Variants in CLASRP observed in about 807,000 individuals in gnomAD.
The protein encoded by CLASRP is CLK4-associating serine/arginine rich protein.
CLASRP carries 52 observed loss-of-function variants against 99.9 expected under a neutral mutation model. The ratio of observed to expected loss-of-function variants is 0.52; its 90% CI spans 0.42 to 0.66. The LOEUF is 0.66. Among genes scored for constraint, CLASRP ranks in the 30% least tolerant of loss-of-function variants. The pLI is 0.00. For missense variants in CLASRP, 848 were observed against 999.2 expected (o/e 0.85, Z 2.04); for synonymous variants, 379 against 373.0 (o/e 1.02, Z -0.18).
At chr19:45,039,239 C>T (rs892794084) in intron 1 of CLASRP, 131 bp downstream of exon 1, 1 of 152,566 alleles carries the variant, frequency 6.6e-6, no homozygotes, top group African/African-American at 2.4e-5. Flanking sequence ...GCTCGTCCCT[C>T]ACCCCATTAG....
chr19:45,056,432 G>A lies in CLASRP; in HGVS notation c.380-18G>A. ...TGTCCCCAACCCACTCTGACCTGGG[G>A]TCTCTTGTTTGCTGCAGTCTCAGAG... On this transcript the variant is annotated intron_variant, in intron 5 of 20. Transcript: ENST00000221455. The A allele has an allele frequency of 6.2e-7, 1 of 1,612,550 alleles. No individual in the cohort carries two copies. Among genetic ancestry groups the A allele is most frequent in the Non-Finnish European group, 8.5e-7 (1 of 1,178,702 alleles).
At chr19:45,059,894 C>G (rs1966900854) in intron 8 of CLASRP, among the ~76,000 whole-genome samples, 1 of 152,210 alleles carries the variant, frequency 6.6e-6, no homozygotes, top group Non-Finnish European at 1.5e-5. Flanking sequence ...ATCTGGTCCT[C>G]TCAACCGCCA....
chr19:45,069,113 C>T lies in CLASRP; in HGVS notation c.1816C>T (p.His606Tyr). ...ACAAGAAAAGATGATCCAGCAGGAG[C>T]ATGAGCGGCAGGTGAAGTGGGAAAG... ...AAQEKMIQQE[H>Y]ERQEREDELR... is the part of the protein sequence containing the mutation. Residue 606 changes from histidine (H) to tyrosine (Y), a missense_variant, in exon 17 of 21, where the codon CAT becomes TAT. Physicochemically the swap from His to Tyr is moderately conservative, Grantham distance 83 (BLOSUM62 2). This residue lies in a region of CLASRP where 116 missense variants were observed against 162.7 expected (regional missense o/e 0.71). Transcript: ENST00000221455. 6.2e-7 allele frequency: 1 copy of T among 1,613,988 alleles called. No individual in the cohort carries two copies. The highest frequency in any genetic ancestry group is 8.5e-7 in the Non-Finnish European group (1 of 1,179,904).
intron 2 of CLASRP, among the ~76,000 whole-genome samples, chr19:45,043,091 T>C (rs908585128): frequency 6.6e-6 from 1 of 152,086 alleles, no homozygotes; most frequent in Admixed American, 6.6e-5. Flanking sequence ...GTCTTTGGAC[T>C]TGGGTGCCAT....
In CLASRP at chr19:45,064,206, C is replaced by G; in HGVS notation, c.1100C>G (p.Pro367Arg). Residue 367 changes from proline (P) to arginine (R), a missense_variant, in exon 12 of 21, where the codon CCG becomes CGG. By Grantham distance (103) the Pro-to-Arg change is moderately radical. Around this residue, in one of 8 missense-constraint regions of CLASRP, gnomAD observed 489 missense variants for 434.7 expected, o/e 1.12. Coordinates refer to ENST00000221455, the MANE Select transcript of CLASRP (RefSeq NM_007056.3). Reference sequence around the variant, plus strand: ...CCTCCCCAGCCTGGCGGCCCCGCCCCGGGACGTAATGCCAGCGCCCGGTCG... The same window carrying G: ...CCTCCCCAGCCTGGCGGCCCCGCCCGGGGACGTAATGCCAGCGCCCGGTCG... ...PAPPQPGGPA[P>R]GRNASARRRS... The G allele has an allele frequency of 6.2e-7, 1 of 1,600,208 alleles. No individual in the cohort carries two copies. The highest frequency in any genetic ancestry group is 8.5e-7 in the Non-Finnish European group (1 of 1,174,662).
At chr19:45,046,253 G>T (rs1304745059) in intron 2 of CLASRP, among the ~76,000 whole-genome samples, 1 of 152,162 alleles carries the variant, frequency 6.6e-6, no homozygotes, top group Non-Finnish European at 1.5e-5. Context: ...AGTATGTCCA[G>T]ATGCAGTTGG....
intron 18 of CLASRP, chr19:45,069,614 C>T (rs1350135131): frequency 6.4e-6 from 3 of 470,468 alleles, no homozygotes; most frequent in African/African-American, 1.9e-5. Flanking sequence ...AATGGAGATA[C>T]AGTCACTGTC....
chr19:45,066,747 C>T (rs1568421975), intron 13 of CLASRP, among the ~76,000 whole-genome samples: 1 of 151,446 alleles, frequency 6.6e-6, no homozygotes, highest in Non-Finnish European at 1.5e-5. Flanking sequence ...GCTTGGGGGA[C>T]AGGTGGGACC....
rs1972051767 is a variant in CLASRP, at chr19:45,052,890, C to CATGT, written c.299_299+3dup. On this transcript the variant is annotated frameshift_variant and splice_region_variant, in exon 4 of 21. Transcript: ENST00000221455. LOFTEE classifies it high-confidence loss of function. ...ACTACACCCCCCCTCTGCTCACCACCATGTAAGCCACCTCCCAGGGGGTTG... is the reference window on the plus strand; with the variant it reads ...ACTACACCCCCCCTCTGCTCACCACCATGTATGTAAGCCACCTCCCAGGGGGTTG... The CATGT allele has an allele frequency of 6.2e-7, 1 of 1,602,092 alleles. No homozygotes were observed. The highest frequency in any genetic ancestry group is 1.3e-5 in the African/African-American group (1 of 74,148).
chr19:45,041,381 C>G (rs1382294546), intron 2 of CLASRP, among the ~76,000 whole-genome samples: 1 of 152,158 alleles, frequency 6.6e-6, no homozygotes, highest in South Asian at 2.1e-4. Flanking sequence ...GACCACTCAG[C>G]TTCATACTCG....
In CLASRP at chr19:45,060,628, G is replaced by A; in HGVS notation, c.863+1G>A. 2 of 1,594,270 alleles carry A rather than the reference G, an allele frequency of 1.3e-6. No individual in the cohort carries two copies. Among genetic ancestry groups the A allele is most frequent in the Non-Finnish European group, 1.7e-6 (2 of 1,170,802 alleles). On this transcript the variant is annotated splice_donor_variant, in intron 10 of 20. Coordinates refer to ENST00000221455, the MANE Select transcript of CLASRP (RefSeq NM_007056.3). LOFTEE classifies it high-confidence loss of function. This position sits in a 1 kb window ranked among gnomAD's most constrained non-coding sequence, Gnocchi z 4.6. ...GGGGTCGCAAGATCAGCCCACCCAG[G>A]TAGGGCTTCTCCCTGAACCCCCACC...
rs747768858 is a variant in CLASRP, at chr19:45,056,505, C to G, written c.435C>G (p.Leu145=). The change falls in exon 6 of 21, where the codon CTC becomes CTG. Residue 145 remains leucine (L), a synonymous_variant. Transcript: ENST00000221455. ...ACATTGATGAGTTGTACGGAGGCCT[C>G]CAGAGACCCAGCGAAGATGAGAAGA... The part of the protein sequence containing the change: ...QIYIDELYGG[L]QRPSEDEKKK... 1.2e-6 allele frequency: 2 copies of G among 1,613,864 alleles called. No individual in the cohort carries two copies. The highest frequency in any genetic ancestry group is 4.5e-5 in the East Asian group (2 of 44,870).
intron 6 of CLASRP, among the ~76,000 whole-genome samples, chr19:45,057,129 C>G (rs1340935395): frequency 6.6e-6 from 1 of 152,172 alleles, no homozygotes; most frequent in Non-Finnish European, 1.5e-5. Context: ...GGCCTCCCGC[C>G]CTCACACACG....
At chr19:45,064,259 C>A (rs898446551) in intron 12 of CLASRP, 32 bp downstream of exon 12, 1 of 1,548,882 alleles carries the variant, frequency 6.5e-7, no homozygotes, top group Non-Finnish European at 8.7e-7. Context: ...CGCCCTACGC[C>A]CCGGTCACCA....
intron 5 of CLASRP, 25 bp from the exon 6 acceptor site, chr19:45,056,425 A>T (rs767806559): frequency 1.2e-6 from 2 of 1,608,934 alleles, no homozygotes; most frequent in Non-Finnish European, 1.7e-6. Flanking sequence ...ACCCACTCTG[A>T]CCTGGGGTCT....
At chr19:45,059,999 G>C (rs1966903420) in intron 8 of CLASRP, among the ~76,000 whole-genome samples, 1 of 152,132 alleles carries the variant, frequency 6.6e-6, no homozygotes, top group Admixed American at 6.5e-5. Flanking sequence ...GTTCGCTTTG[G>C]ACGTCTGCAG....
intron 2 of CLASRP, among the ~76,000 whole-genome samples, chr19:45,049,773 A>G (rs1050148822): frequency 1.2e-4 from 19 of 152,122 alleles, no homozygotes; most frequent in African/African-American, 4.6e-4. Flanking sequence ...GCCCTGTTCT[A>G]GGCTTTAGGG....
chr19:45,063,747 G>A (rs1966996810), intron 11 of CLASRP, among the ~76,000 whole-genome samples: 1 of 152,086 alleles, frequency 6.6e-6, no homozygotes, highest in South Asian at 2.1e-4. Context: ...ACCGCGCCCG[G>A]CCTGCTCATC....
At chr19:45,053,050 G>A in intron 4 of CLASRP, 48 bp from the exon 5 acceptor site, 3 of 1,605,452 alleles carry the variant, frequency 1.9e-6, no homozygotes, top group South Asian at 1.1e-5. Context: ...GGCTTGGGGG[G>A]GGATCCACTC....
Sources: allele counts gnomAD v4.1 joint callset (sites outside exome capture counted in the v4.1 genomes callset), GRCh38; gene constraint gnomAD v4.1.1; regional missense constraint gnomAD v4.1.1; non-coding constraint Gnocchi (gnomAD v3.1); transcripts MANE v1.5; gene names NCBI Gene and HGNC (gene_info 2026-07-23, HGNC 2026-07-21).